Variants in DPYS observed in about 807,000 individuals in gnomAD.
DPYS encodes the protein dihydropyrimidine amidohydrolase.
Under a neutral mutation model 50.3 loss-of-function variants are expected in DPYS, and 39 were observed. That is an observed-to-expected ratio of 0.78 (90% CI 0.60 to 1.01). DPYS has a LOEUF of 1.01. Ranked by LOEUF, DPYS falls within the 50% of genes least tolerant of loss-of-function variation. The pLI, the probability that DPYS is intolerant of heterozygous loss-of-function variation, is 0.00. For synonymous variants in DPYS, 245 were observed against 250.7 expected (o/e 0.98, Z 0.22); for missense variants, 659 against 680.9 (o/e 0.97, Z 0.36).
intron 4 of DPYS, among the ~76,000 whole-genome samples, chr8:104,433,386 T>C (rs1034490677): frequency 6.6e-6 from 1 of 152,078 alleles, no homozygotes; most frequent in Admixed American, 6.6e-5. Flanking sequence ...TGTTCTAAAT[T>C]TAAAGGACAA....
intron 7 of DPYS, among the ~76,000 whole-genome samples, chr8:104,393,222 A>C (rs1811458937): frequency 6.6e-6 from 1 of 152,218 alleles, no homozygotes; most frequent in Non-Finnish European, 1.5e-5. Flanking sequence ...AAGGTGATTA[A>C]TGAGGGTGGA....
chr8:104,466,268 G>A (rs553820024), intron 1 of DPYS, among the ~76,000 whole-genome samples: 1 of 152,324 alleles, frequency 6.6e-6, no homozygotes, highest in Non-Finnish European at 1.5e-5. Context: ...TTTAAAAAAA[G>A]ATTCTAAAGA....
intron 6 of DPYS, among the ~76,000 whole-genome samples, chr8:104,425,232 A>T (rs563000586): frequency 1.4e-5 from 2 of 146,926 alleles, no homozygotes; most frequent in African/African-American, 2.5e-5. Flanking sequence ...TGCTTTTTTT[A>T]AATTTTTTGT....
At chr8:104,457,363 A>G (rs1813961971) in intron 1 of DPYS, among the ~76,000 whole-genome samples, 1 of 152,188 alleles carries the variant, frequency 6.6e-6, no homozygotes, top group Admixed American at 6.5e-5. Context: ...TTGAGGTTTC[A>G]TCACACTACT....
chr8:104,407,614 T>C (rs576520192), intron 7 of DPYS, among the ~76,000 whole-genome samples: 1 of 152,284 alleles, frequency 6.6e-6, no homozygotes, highest in African/African-American at 2.4e-5. Flanking sequence ...TACAATTTAT[T>C]CTCATAGGTA....
intron 2 of DPYS, among the ~76,000 whole-genome samples, chr8:104,449,997 G>T (rs1332933847): frequency 6.6e-6 from 1 of 152,116 alleles, no homozygotes; most frequent in Non-Finnish European, 1.5e-5. Flanking sequence ...CTGCATTTTA[G>T]CAAGGTTTAC....
At chr8:104,463,960 G>A (rs534830418) in intron 1 of DPYS, among the ~76,000 whole-genome samples, 1 of 152,230 alleles carries the variant, frequency 6.6e-6, no homozygotes, top group Non-Finnish European at 1.5e-5. Context: ...TGTTTCGGGG[G>A]GTGGGAGTGG....
At chr8:104,380,231 T>G (rs1283170466) in intron 9 of DPYS, among the ~76,000 whole-genome samples, 1 of 151,972 alleles carries the variant, frequency 6.6e-6, no homozygotes, top group Non-Finnish European at 1.5e-5. Context: ...GAATAAGAGG[T>G]TGTCAAAATG....
At chr8:104,415,088 A>G (rs926575383) in intron 7 of DPYS, among the ~76,000 whole-genome samples, 2 of 152,254 alleles carry the variant, frequency 1.3e-5, no homozygotes, top group African/African-American at 4.8e-5. Context: ...ACATTTGTCC[A>G]TTAGTATCTG....
At chr8:104,412,204 C>T (rs1464910410) in intron 7 of DPYS, among the ~76,000 whole-genome samples, 1 of 152,168 alleles carries the variant, frequency 6.6e-6, no homozygotes, top group Non-Finnish European at 1.5e-5. Context: ...GGAGCGTTGG[C>T]AGATTTGCAG....
chr8:104,381,540 A>T, intron 8 of DPYS: 2 of 485,448 alleles, frequency 4.1e-6, no homozygotes, highest in African/African-American at 3.9e-5. Context: ...GCCCAGGGAC[A>T]CTCACTGGGG....
At chr8:104,390,758 C>G (rs1234299601) in intron 8 of DPYS, among the ~76,000 whole-genome samples, 2 of 152,084 alleles carry the variant, frequency 1.3e-5, no homozygotes, top group Admixed American at 1.3e-4. Flanking sequence ...CTCAGCCTCC[C>G]AAACTGCTAG....
At chr8:104,391,716 C>A (rs974459392) in intron 8 of DPYS, among the ~76,000 whole-genome samples, 1 of 152,068 alleles carries the variant, frequency 6.6e-6, no homozygotes. Context: ...CATTTATTGA[C>A]CTCCTACCAA....
intron 8 of DPYS, among the ~76,000 whole-genome samples, chr8:104,392,252 G>C (rs1811411918): frequency 6.6e-6 from 1 of 152,174 alleles, no homozygotes; most frequent in African/African-American, 2.4e-5. Context: ...ACTGGGCCTG[G>C]CCTGTAGCTG....
intron 8 of DPYS, among the ~76,000 whole-genome samples, chr8:104,389,049 G>C (rs1374345352): frequency 6.6e-6 from 1 of 152,142 alleles, no homozygotes; most frequent in East Asian, 1.9e-4. Flanking sequence ...ACCAAGTACT[G>C]GCAAAAAAGA....
chr8:104,450,552 A>G (rs965427855), intron 2 of DPYS, among the ~76,000 whole-genome samples: 12 of 152,248 alleles, frequency 7.9e-5, no homozygotes, highest in African/African-American at 2.9e-4. Context: ...GGAGGAAATC[A>G]ACATATTTTA....
chr8:104,420,213 A>C (rs1812498308), intron 7 of DPYS: 1 of 152,166 alleles, frequency 6.6e-6, no homozygotes, highest in African/African-American at 2.4e-5. Flanking sequence ...AAAGCTATGG[A>C]TGATTCATGG....
chr8:104,425,622 T>C (rs1005753500), intron 6 of DPYS, among the ~76,000 whole-genome samples: 9 of 152,044 alleles, frequency 5.9e-5, no homozygotes, highest in African/African-American at 1.9e-4. Flanking sequence ...CACACCCAGA[T>C]GCAATCCTTT....
In DPYS at chr8:104,466,667, T is replaced by C; in HGVS notation, c.254A>G (p.Gln85Arg). The C allele has an allele frequency of 6.6e-7, 1 of 1,520,944 alleles. No homozygotes were observed. Among genetic ancestry groups the C allele is most frequent in the Non-Finnish European group, 8.8e-7 (1 of 1,137,534 alleles). The allele number at this position is 1,520,944 out of a possible 1,614,324, so 94.2% of individuals were successfully genotyped here. Reference sequence around the variant, plus strand: ...CGGCGGGGCGGGTACCTTGGTGCCCTGGTGGAAGTCGTCGATGGACCGCGA... The same window carrying C: ...CGGCGGGGCGGGTACCTTGGTGCCCCGGTGGAAGTCGTCGATGGACCGCGA... The part of the protein sequence containing the change: ...MGSRSIDDFH[Q>R]GTKAALSGGT... The change falls in exon 1 of 10, where the codon CAG (glutamine) becomes CGG (arginine). Residue 85 changes from glutamine to arginine, a missense_variant. Gln to Arg is a conservative substitution (Grantham distance 43). Coordinates refer to ENST00000351513, the MANE Select transcript of DPYS (RefSeq NM_001385.3).
Sources: allele counts gnomAD v4.1 joint callset (sites outside exome capture counted in the v4.1 genomes callset), GRCh38; gene constraint gnomAD v4.1.1; transcripts MANE v1.5; gene names NCBI Gene and HGNC (gene_info 2026-07-23, HGNC 2026-07-21).